The following SH3GL3 variants were observed in gnomAD, a reference collection of about 807,000 sequenced individuals.
The protein encoded by SH3GL3 is endophilin-A3.
SH3GL3 carries 33 observed loss-of-function variants against 47.7 expected under a neutral mutation model. The observed-to-expected ratio is 0.69, with a 90% confidence interval of 0.52 to 0.92. SH3GL3 has a LOEUF of 0.92. Among genes scored for constraint, SH3GL3 ranks in the 40% least tolerant of loss-of-function variants. The probability of loss-of-function intolerance (pLI) is 0.00; values close to 1 mark genes in which losing one functional copy is unlikely to be tolerated. For synonymous variants in SH3GL3, 155 were observed against 148.8 expected, an observed-to-expected ratio of 1.04 and a Z score of -0.30; for missense variants, 363 against 417.8, an observed-to-expected ratio of 0.87 and a Z score of 1.14.
Position 83,588,757 on chromosome 15 carries a change from T to C in SH3GL3, c.824T>C (p.Val275Ala). The change falls in exon 8 of 9, where the codon GTA (valine) becomes GCA (alanine). Residue 275 changes from valine (V) to alanine (A), a missense_variant. Transcript: ENST00000427482. ...SELNGVSTTS[V>A]VKTTGSNIPM... is the part of the protein sequence containing the mutation. ...CTCAATGGAGTTTCCACCACCTCTG[T>C]AGTGAAGACGACAGGTAAGTTGACC... is the stretch of plus-strand genomic sequence containing the variant. 2 of 1,588,842 alleles carry C rather than the reference T, an allele frequency of 1.3e-6. No individual in the cohort carries two copies. Among genetic ancestry groups the C allele is most frequent in the Non-Finnish European group, 1.7e-6 (2 of 1,156,890 alleles).
At chr15:83,519,494 C>T (rs1445015389) in intron 1 of SH3GL3, among the ~76,000 whole-genome samples, 1 of 152,100 alleles carries the variant, frequency 6.6e-6, no homozygotes, top group Non-Finnish European at 1.5e-5. Context: ...AGAAATGCTA[C>T]TGATTTTTGC....
At chr15:83,534,444 G>A (rs938063518) in intron 1 of SH3GL3, among the ~76,000 whole-genome samples, 2 of 152,044 alleles carry the variant, frequency 1.3e-5, no homozygotes, top group African/African-American at 2.4e-5. Flanking sequence ...GGCTTAGGCC[G>A]AAAGATTCGA....
intron 1 of SH3GL3, among the ~76,000 whole-genome samples, chr15:83,481,274 CAAAAA>C (rs5814148): frequency 1.3e-3 from 146 of 116,174 alleles, no homozygotes; most frequent in Non-Finnish European, 1.8e-3. Context: ...CATTCTGTCT[CAAAAA>C]AAAAAAAAAA....
chr15:83,450,626 A>G (rs1230808598), intron 1 of SH3GL3, among the ~76,000 whole-genome samples: 1 of 152,040 alleles, frequency 6.6e-6, no homozygotes, highest in Non-Finnish European at 1.5e-5. Context: ...GAAATATGCT[A>G]AAATGAGAAG....
At position 83,589,122 on chromosome 15, in the gene SH3GL3, G is replaced by A. The variant is rs149827585; in HGVS notation, c.838+351G>A. Reference sequence around the variant, plus strand: ...TAGATACTATCTTAAGTGCTGCATCGTTATTTTTTATTAAACAAGTGATGC... The same window carrying A: ...TAGATACTATCTTAAGTGCTGCATCATTATTTTTTATTAAACAAGTGATGC... On this transcript the variant is annotated intron_variant, in intron 8 of 8. Coordinates refer to ENST00000427482, the MANE Select transcript of SH3GL3 (RefSeq NM_003027.5). 9.1e-3 allele frequency among the ~76,000 whole-genome samples: 1,388 copies of A among 151,840 alleles called. 19 individuals carry two copies. The highest frequency in any genetic ancestry group is 0.03 in the African/African-American group (1,229 of 41,408).
intron 8 of SH3GL3, among the ~76,000 whole-genome samples, chr15:83,615,510 C>T (rs1191650093): frequency 1.3e-5 from 2 of 152,092 alleles, no homozygotes; most frequent in African/African-American, 2.4e-5. Context: ...TGGGGTTTCA[C>T]CATGTTGGCC....
At chr15:83,506,003 G>T (rs1262868649) in intron 1 of SH3GL3, among the ~76,000 whole-genome samples, 1 of 152,008 alleles carries the variant, frequency 6.6e-6, no homozygotes, top group Admixed American at 6.5e-5. Context: ...ACTCTCTAAA[G>T]CCTAATGATG....
intron 8 of SH3GL3, among the ~76,000 whole-genome samples, chr15:83,615,608 G>T (rs575696727): frequency 6.6e-6 from 1 of 152,034 alleles, no homozygotes; most frequent in Admixed American, 6.6e-5. Context: ...CACCACACCC[G>T]GCCTGTTAAC....
At chr15:83,468,732 C>A (rs1567244153) in intron 1 of SH3GL3, among the ~76,000 whole-genome samples, 1 of 150,392 alleles carries the variant, frequency 6.6e-6, no homozygotes. Context: ...CTGATCAATT[C>A]TGTTTGCTAA....
chr15:83,521,027 C>T (rs1027436064), intron 1 of SH3GL3, among the ~76,000 whole-genome samples: 6 of 152,308 alleles, frequency 3.9e-5, no homozygotes, highest in African/African-American at 1.4e-4. Flanking sequence ...GTGGATCATG[C>T]ACCTGGAATT....
At chr15:83,526,819 C>A (rs866596099) in intron 1 of SH3GL3, among the ~76,000 whole-genome samples, 8 of 152,090 alleles carry the variant, frequency 5.3e-5, no homozygotes, top group Middle Eastern at 3.4e-3. Flanking sequence ...TTAAAAAAAA[C>A]CAAACCATAT....
intron 1 of SH3GL3, among the ~76,000 whole-genome samples, chr15:83,501,870 G>T (rs113588474): frequency 6.6e-6 from 1 of 151,996 alleles, no homozygotes; most frequent in Non-Finnish European, 1.5e-5. Flanking sequence ...CAGCCTGGGC[G>T]ACAGAGTGAG....
At position 83,587,087 on chromosome 15, in the gene SH3GL3, G is replaced by A; in HGVS notation, c.728+1G>A. ...AGCTGCAGAGCAAGCTACAGATGCG[G>A]TAAGCACCTCCACGTTTCTTACAAG... is the stretch of plus-strand genomic sequence containing the variant. On this transcript the variant is annotated splice_donor_variant, in intron 7 of 8. Transcript: ENST00000427482. LOFTEE classifies it high-confidence loss of function. The A allele has an allele frequency of 2.6e-6, 4 of 1,555,842 alleles. No individual in the cohort carries two copies. Among genetic ancestry groups the A allele is most frequent in the Non-Finnish European group, 3.5e-6 (4 of 1,132,526 alleles).
At chr15:83,504,927 A>G (rs765088225) in intron 1 of SH3GL3, among the ~76,000 whole-genome samples, 1 of 152,172 alleles carries the variant, frequency 6.6e-6, no homozygotes, top group Non-Finnish European at 1.5e-5. Flanking sequence ...TTACAATTTT[A>G]CCACCAATAT....
intron 7 of SH3GL3, among the ~76,000 whole-genome samples, chr15:83,587,878 T>G (rs908013720): frequency 2.0e-5 from 3 of 152,194 alleles, no homozygotes; most frequent in African/African-American, 7.2e-5. Context: ...GGAGGGATTT[T>G]TACTTAAATC....
At chr15:83,463,836 T>C (rs2040432671) in intron 1 of SH3GL3, among the ~76,000 whole-genome samples, 1 of 150,488 alleles carries the variant, frequency 6.6e-6, no homozygotes, top group Non-Finnish European at 1.5e-5. Flanking sequence ...TGGCACGATA[T>C]TGGCTCACTG....
chr15:83,457,130 T>C (rs2040029454), intron 1 of SH3GL3, among the ~76,000 whole-genome samples: 1 of 152,214 alleles, frequency 6.6e-6, no homozygotes, highest in South Asian at 2.1e-4. Flanking sequence ...GGCACACCTA[T>C]GTGTGTTCTG....
chr15:83,506,543 TA>T (rs1310177906), intron 1 of SH3GL3, among the ~76,000 whole-genome samples: 1 of 152,212 alleles, frequency 6.6e-6, no homozygotes, highest in African/African-American at 2.4e-5. Context: ...TGACATTTTT[TA>T]CATTTTTGTT....
intron 2 of SH3GL3, among the ~76,000 whole-genome samples, chr15:83,564,634 C>A (rs1398244761): frequency 6.6e-6 from 1 of 152,140 alleles, no homozygotes. Context: ...ATCTTCTGAC[C>A]ATAGCACAAA....
Sources: allele counts gnomAD v4.1 joint callset (sites outside exome capture counted in the v4.1 genomes callset), GRCh38; gene constraint gnomAD v4.1.1; transcripts MANE v1.5; gene names NCBI Gene and HGNC (gene_info 2026-07-23, HGNC 2026-07-21).